RBM18: variants seen among roughly 807,000 people sequenced by gnomAD.
RBM18 encodes the protein RNA binding motif protein 18.
RBM18 carries 18 observed loss-of-function variants against 26.4 expected under a neutral mutation model. That is an observed-to-expected ratio of 0.68 (90% CI 0.47 to 1.01). The LOEUF is 1.01. Among genes scored for constraint, RBM18 ranks in the 50% least tolerant of loss-of-function variants. The pLI, the probability that RBM18 is intolerant of heterozygous loss-of-function variation, is 0.00. For missense variants in RBM18, 180 were observed against 219.2 expected (o/e 0.82, Z 1.13); for synonymous variants, 74 against 81.1 (o/e 0.91, Z 0.47).
intron 2 of RBM18, among the ~76,000 whole-genome samples, chr9:122,256,899 G>A (rs190654243): frequency 6.6e-6 from 1 of 152,110 alleles, no homozygotes; most frequent in Non-Finnish European, 1.5e-5. Flanking sequence ...CTATAGGTAA[G>A]AAATTATTAC....
At position 122,238,117 on chromosome 9, in the gene RBM18, G is replaced by C. The variant is rs576448343; in HGVS notation, c.*3767C>G. 6.6e-6 allele frequency: 1 copy of C among 152,246 alleles called. No homozygotes were observed. Among genetic ancestry groups the C allele is most frequent in the South Asian group, 2.1e-4 (1 of 4,824 alleles). 9.4% of individuals were successfully genotyped at this position (152,246 alleles called of 1,614,324 possible). ...CTGGCCAAATCGCTTTGTCTCTCTGGGTTCCCGTTTTCCCCATCTGGACAA... is the reference window on the plus strand; with the variant it reads ...CTGGCCAAATCGCTTTGTCTCTCTGCGTTCCCGTTTTCCCCATCTGGACAA... On this transcript the variant is annotated 3_prime_UTR_variant, in exon 6 of 6. Transcript: ENST00000417201.
rs568061103 is a variant in RBM18, at chr9:122,240,523, G to C, written c.*1361C>G. 8 of 152,264 alleles carry C rather than the reference G, an allele frequency of 5.3e-5. No homozygotes were observed. The highest frequency in any genetic ancestry group is 2.1e-4 in the South Asian group (1 of 4,828). 9.4% of individuals were successfully genotyped at this position (152,264 alleles called of 1,614,324 possible). On this transcript the variant is annotated 3_prime_UTR_variant, in exon 6 of 6. Transcript: ENST00000417201. ...GTTCCTATATTGAAAGCTTCCTCTT[G>C]CTAACAACGATAGTGATAAACATTC...
Position 122,250,110 on chromosome 9 carries a change from T to G in RBM18, c.240+1737A>C, listed in dbSNP as rs1468841308. ...GCTAATTCTATATTCTATATTGCAT[T>G]ATTTCACTTCCCTCAAAATACTTGA... On this transcript the variant is annotated intron_variant, in intron 3 of 5. Transcript: ENST00000417201. Among the ~76,000 whole-genome samples the G allele has an allele frequency of 3.3e-5, 5 of 151,332 alleles. No homozygotes were observed. The South Asian group carries it at 1.0e-3, about 32-fold the overall frequency.
chr9:122,261,787 G>A (rs1831800759), intron 1 of RBM18, among the ~76,000 whole-genome samples: 1 of 152,244 alleles, frequency 6.6e-6, no homozygotes, highest in Non-Finnish European at 1.5e-5. Flanking sequence ...TGACTGGGCA[G>A]GAGGCCAAAG....
chr9:122,259,132 GT>G (rs891547586), intron 2 of RBM18, among the ~76,000 whole-genome samples: 28 of 151,960 alleles, frequency 1.8e-4, no homozygotes, highest in African/African-American at 6.3e-4. Flanking sequence ...TCCTGCCAAT[GT>G]TCTAATTGAA....
At chr9:122,250,075 A>AAAAAAAAAAG (rs766053929) in intron 3 of RBM18, among the ~76,000 whole-genome samples, 1 of 151,540 alleles carries the variant, frequency 6.6e-6, no homozygotes, top group Non-Finnish European at 1.5e-5. Context: ...ATTTAAAAAA[A>AAAAAAAAAAG]AAAAAGAATG....
At chr9:122,260,449 CCTCT>C (rs1371438237) in intron 2 of RBM18, among the ~76,000 whole-genome samples, 1 of 152,204 alleles carries the variant, frequency 6.6e-6, no homozygotes, top group African/African-American at 2.4e-5. Context: ...CACCACCCTC[CCTCT>C]ATCAAATAAC....
Position 122,238,769 on chromosome 9 carries a change from T to C in RBM18, c.*3115A>G, listed in dbSNP as rs1588373967. The C allele has an allele frequency of 6.6e-6, 1 of 152,172 alleles. No homozygotes were observed. 9.4% of individuals were successfully genotyped at this position (152,172 alleles called of 1,614,324 possible). A position where few individuals can be genotyped will look rare whatever the true frequency, so the allele number is the denominator to read the frequency against. ...TTTTTTTAAAAATTGCTTTGGCTACTGTGTGGAAAACGGACCCTAAAGAAT... is the reference window on the plus strand; with the variant it reads ...TTTTTTTAAAAATTGCTTTGGCTACCGTGTGGAAAACGGACCCTAAAGAAT... On this transcript the variant is annotated 3_prime_UTR_variant, in exon 6 of 6. Coordinates refer to ENST00000417201, the MANE Select transcript of RBM18 (RefSeq NM_033117.4).
At chr9:122,246,668 AT>A (rs1419774216) in intron 4 of RBM18, among the ~76,000 whole-genome samples, 1 of 152,186 alleles carries the variant, frequency 6.6e-6, no homozygotes, top group South Asian at 2.1e-4. Context: ...TTGAGCTTAA[AT>A]GTCTTGTTTA....
intron 2 of RBM18, among the ~76,000 whole-genome samples, chr9:122,255,961 G>A (rs1459175290): frequency 1.3e-5 from 2 of 152,044 alleles, no homozygotes; most frequent in Admixed American, 1.3e-4. Context: ...AGGCTGGGAG[G>A]TGGAGGTTGC....
At chr9:122,255,682 C>T (rs963967833) in intron 2 of RBM18, among the ~76,000 whole-genome samples, 5 of 152,198 alleles carry the variant, frequency 3.3e-5, no homozygotes, top group Admixed American at 6.5e-5. Context: ...AGTTCACTGT[C>T]TCTATCTAGG....
rs1831360476 is a variant in RBM18, at chr9:122,238,299, T to C, written c.*3585A>G. 2.0e-5 allele frequency: 3 copies of C among 152,256 alleles called. No individual in the cohort carries two copies. Among genetic ancestry groups the C allele is most frequent in the African/African-American group, 7.2e-5 (3 of 41,470 alleles). 9.4% of individuals were successfully genotyped at this position (152,256 alleles called of 1,614,324 possible). On this transcript the variant is annotated 3_prime_UTR_variant, in exon 6 of 6. Transcript: ENST00000417201. ...CAGTGATATACAGTTCCTGCTTACATGAAACTTACATTCCAATAAAAAGAG... is the reference window on the plus strand; with the variant it reads ...CAGTGATATACAGTTCCTGCTTACACGAAACTTACATTCCAATAAAAAGAG...
At chr9:122,256,708 G>T (rs1419825687) in intron 2 of RBM18, among the ~76,000 whole-genome samples, 1 of 152,164 alleles carries the variant, frequency 6.6e-6, no homozygotes, top group African/African-American at 2.4e-5. Flanking sequence ...AAATTAGGTG[G>T]TGGAAATTAT....
intron 2 of RBM18, among the ~76,000 whole-genome samples, chr9:122,260,480 C>G (rs1564459491): frequency 6.6e-6 from 1 of 152,190 alleles, no homozygotes; most frequent in Non-Finnish European, 1.5e-5. Context: ...AAGGGAAAAA[C>G]CTCTCAATTT....
chr9:122,242,823 G>A (rs1187792256), intron 5 of RBM18, among the ~76,000 whole-genome samples: 3 of 151,846 alleles, frequency 2.0e-5, no homozygotes, highest in Non-Finnish European at 4.4e-5. Context: ...ACATCCATCT[G>A]AATTTGTTTT....
intron 2 of RBM18, among the ~76,000 whole-genome samples, chr9:122,256,223 T>C (rs1245349586): frequency 2.0e-5 from 3 of 152,214 alleles, no homozygotes; most frequent in Non-Finnish European, 4.4e-5. Flanking sequence ...TTCATTCCCA[T>C]CCAGTATTCA....
At chr9:122,257,355 C>T (rs1831714466) in intron 2 of RBM18, among the ~76,000 whole-genome samples, 1 of 152,170 alleles carries the variant, frequency 6.6e-6, no homozygotes, top group Admixed American at 6.6e-5. Flanking sequence ...ACTGTGTTAG[C>T]CGGGATGGTC....
At position 122,238,562 on chromosome 9, in the gene RBM18, C is replaced by A. The variant is rs1831364978; in HGVS notation, c.*3322G>T. The A allele has an allele frequency of 6.6e-6, 1 of 152,144 alleles. No homozygotes were observed. Among genetic ancestry groups the A allele is most frequent in the Admixed American group, 6.6e-5 (1 of 15,258 alleles). 9.4% of individuals were successfully genotyped at this position (152,144 alleles called of 1,614,324 possible). On this transcript the variant is annotated 3_prime_UTR_variant, in exon 6 of 6. Transcript: ENST00000417201. ...ATGTAAATGCCTTGAAGTAGAAGCT[C>A]CCTTGTATTCAAAGAATAGCAAGAA...
chr9:122,264,053 ACGTAAG>A (rs1170144160), intron 1 of RBM18, among the ~76,000 whole-genome samples: 1 of 152,198 alleles, frequency 6.6e-6, no homozygotes, highest in Non-Finnish European at 1.5e-5. Context: ...CTTCACTAGA[ACGTAAG>A]CTCCCACAGC....
Sources: allele counts gnomAD v4.1 joint callset (sites outside exome capture counted in the v4.1 genomes callset), GRCh38; gene constraint gnomAD v4.1.1; transcripts MANE v1.5; gene names NCBI Gene and HGNC (gene_info 2026-07-23, HGNC 2026-07-21).